The following PPME1 variants were observed in gnomAD, a reference collection of about 807,000 sequenced individuals.
PPME1 encodes the protein protein phosphatase methylesterase 1.
In PPME1, 17 loss-of-function variants were observed where a neutral mutation model predicts 56.9. That is an observed-to-expected ratio of 0.30 (90% CI 0.20 to 0.45). PPME1 has a LOEUF of 0.45. PPME1 is among the 20% of genes least tolerant of loss of function. PPME1 has a pLI of 1.00. For synonymous variants in PPME1, 122 were observed against 156.2 expected, an observed-to-expected ratio of 0.78 and a Z score of 1.63; for missense variants, 357 against 483.2, an observed-to-expected ratio of 0.74 and a Z score of 2.45.
At chr11:74,221,759 C>A (rs986469408) in intron 3 of PPME1, among the ~76,000 whole-genome samples, 4 of 152,070 alleles carry the variant, frequency 2.6e-5, no homozygotes, top group Admixed American at 6.5e-5. Flanking sequence ...ATTGTACCTC[C>A]CCCATGATAT....
intron 1 of PPME1, among the ~76,000 whole-genome samples, chr11:74,203,012 A>G (rs1356282186): frequency 2.6e-5 from 4 of 152,090 alleles, no homozygotes; most frequent in African/African-American, 9.7e-5. Context: ...TTATTAATAT[A>G]TTTGTTCATT....
At chr11:74,191,709 G>A (rs770054700) in intron 1 of PPME1, among the ~76,000 whole-genome samples, 1 of 152,188 alleles carries the variant, frequency 6.6e-6, no homozygotes, top group Non-Finnish European at 1.5e-5. Context: ...GCACAGCTTG[G>A]GCCGCTGCTC....
intron 3 of PPME1, among the ~76,000 whole-genome samples, chr11:74,210,783 A>G (rs976128826): frequency 1.3e-5 from 2 of 152,186 alleles, no homozygotes; most frequent in African/African-American, 4.8e-5. Context: ...TGTGACCCAA[A>G]TAAACTTCTT....
At chr11:74,186,567 G>A (rs887475970) in intron 1 of PPME1, among the ~76,000 whole-genome samples, 2 of 152,154 alleles carry the variant, frequency 1.3e-5, no homozygotes, top group East Asian at 3.8e-4. Flanking sequence ...AGCTACCCCA[G>A]AGGCTTGGTG....
At chr11:74,218,785 A>G (rs1226317723) in intron 3 of PPME1, among the ~76,000 whole-genome samples, 3 of 152,216 alleles carry the variant, frequency 2.0e-5, no homozygotes, top group South Asian at 2.1e-4. Context: ...TGAAAGTACT[A>G]AAAGAAAACA....
At chr11:74,182,994 CAAA>C (rs34350281) in intron 1 of PPME1, among the ~76,000 whole-genome samples, 7 of 129,524 alleles carry the variant, frequency 5.4e-5, no homozygotes, top group Non-Finnish European at 4.9e-5. Flanking sequence ...TTGTCTCTAC[CAAA>C]AAAAAAAAAA....
chr11:74,250,888 C>G, intron 11 of PPME1, 66 bp from the exon 12 acceptor site: 1 of 1,389,126 alleles, frequency 7.2e-7, no homozygotes, highest in Non-Finnish European at 1.0e-6. Flanking sequence ...CTGGAATGAC[C>G]TATGAGGCTG....
intron 7 of PPME1, 155 bp from the exon 8 acceptor site, chr11:74,235,746 G>T: frequency 8.4e-7 from 1 of 1,186,498 alleles, no homozygotes; most frequent in East Asian, 2.7e-5. Flanking sequence ...CATGTAGCCA[G>T]GTGAGTAATA....
intron 1 of PPME1, among the ~76,000 whole-genome samples, chr11:74,174,488 CTCTA>C (rs1280329360): frequency 2.0e-5 from 3 of 152,202 alleles, no homozygotes; most frequent in East Asian, 1.9e-4. Flanking sequence ...CATTCTTCCA[CTCTA>C]TCTATGTTAC....
intron 1 of PPME1, among the ~76,000 whole-genome samples, chr11:74,193,322 T>A (rs1357864956): frequency 1.3e-5 from 2 of 152,374 alleles, no homozygotes; most frequent in East Asian, 1.9e-4. Context: ...TTACACAAAC[T>A]TTGTTTTGTG....
intron 3 of PPME1, chr11:74,205,389 T>C (rs1285919769): frequency 1.3e-5 from 2 of 152,200 alleles, no homozygotes; most frequent in Non-Finnish European, 2.9e-5. Context: ...AGGAAGATAC[T>C]AGCAACATCT....
intron 1 of PPME1, among the ~76,000 whole-genome samples, chr11:74,203,156 T>C (rs1364326140): frequency 6.6e-6 from 1 of 152,212 alleles, no homozygotes; most frequent in African/African-American, 2.4e-5. Flanking sequence ...ATTTCACTTC[T>C]GTGTGAGCAA....
At chr11:74,183,754 T>C (rs199994822) in intron 1 of PPME1, among the ~76,000 whole-genome samples, 5 of 152,216 alleles carry the variant, frequency 3.3e-5, no homozygotes, top group Non-Finnish European at 7.3e-5. Flanking sequence ...GTATTTCATC[T>C]ATTCTAGCAA....
intron 7 of PPME1, 148 bp from the exon 8 acceptor site, chr11:74,235,753 A>G (rs1859174833): frequency 7.9e-7 from 1 of 1,261,306 alleles, no homozygotes; most frequent in Non-Finnish European, 1.1e-6. Context: ...CCAGGTGAGT[A>G]ATAGTGGCAA....
chr11:74,231,108 A>AG, intron 7 of PPME1, 106 bp downstream of exon 7: 1 of 946,916 alleles, frequency 1.1e-6, no homozygotes. Flanking sequence ...CCCAGGCTGG[A>AG]GTGCAGTGGC....
Position 74,253,843 on chromosome 11 carries a change from G to A in PPME1, c.*333G>A, listed in dbSNP as rs867269232. 12 of 459,350 alleles carry A rather than the reference G, an allele frequency of 2.6e-5. No homozygotes were observed. The highest frequency in any genetic ancestry group is 3.9e-5 in the Non-Finnish European group (10 of 257,492). 28.5% of individuals were successfully genotyped at this position (459,350 alleles called of 1,614,324 possible). ...TGAGCCCCTCTTCCTAGCATCAGGC[G>A]ATACATCTGAGTTCAAATGTCTTCC... On this transcript the variant is annotated 3_prime_UTR_variant, in exon 14 of 14. Transcript: ENST00000328257.
At chr11:74,200,284 C>T (rs892977716) in intron 1 of PPME1, among the ~76,000 whole-genome samples, 3 of 151,838 alleles carry the variant, frequency 2.0e-5, no homozygotes, top group African/African-American at 7.3e-5. Flanking sequence ...AGATTCTTGC[C>T]ACTTATGTAA....
intron 3 of PPME1, among the ~76,000 whole-genome samples, chr11:74,209,276 T>C (rs7126688): frequency 0.031 from 4,772 of 152,172 alleles, 224 homozygotes; most frequent in African/African-American, 0.11. Flanking sequence ...TAGCTATTTT[T>C]ATTTTTTATA....
At position 74,173,738 on chromosome 11, in the gene PPME1, C is replaced by G. The variant is rs139620638; in HGVS notation, c.101+2216C>G. Reference sequence around the variant, plus strand: ...TGTATTTTTAGTAGAGAGGGGATTTCGCCATGTTGGCCAGGCTGGTCTTAA... The same window carrying G: ...TGTATTTTTAGTAGAGAGGGGATTTGGCCATGTTGGCCAGGCTGGTCTTAA... On this transcript the variant is annotated intron_variant, in intron 1 of 13. Transcript: ENST00000328257. 1.6e-3 allele frequency among the ~76,000 whole-genome samples: 251 copies of G among 152,196 alleles called. 2 individuals carry two copies. The highest frequency in any genetic ancestry group is 4.9e-3 in the African/African-American group (203 of 41,514).
Sources: gnomAD v4.1 joint callset for allele counts (sites outside exome capture counted in the v4.1 genomes callset) on GRCh38, gnomAD v4.1.1 for gene constraint, MANE v1.5 for transcripts, NCBI Gene and HGNC (gene_info 2026-07-23, HGNC 2026-07-21) for gene names.